The following IGF2BP2 variants were observed in gnomAD, a reference collection of about 807,000 sequenced individuals.
IGF2BP2 encodes the protein insulin like growth factor 2 mRNA binding protein 2.
A neutral mutation model predicts 75.8 loss-of-function variants in IGF2BP2; 17 were observed. The ratio of observed to expected loss-of-function variants is 0.22; its 90% CI spans 0.15 to 0.34. The LOEUF is 0.34. IGF2BP2 is among the 10% of genes least tolerant of loss of function. The pLI is 1.00. For synonymous variants in IGF2BP2, 288 were observed against 295.6 expected (o/e 0.97, Z 0.26); for missense variants, 516 against 772.4 (o/e 0.67, Z 3.93).
chr3:185,732,845 T>C (rs1728371275), intron 2 of IGF2BP2, among the ~76,000 whole-genome samples: 2 of 152,200 alleles, frequency 1.3e-5, no homozygotes, highest in South Asian at 4.1e-4. Flanking sequence ...AGTTAGATAA[T>C]CCCCTGTAGG....
In IGF2BP2 at chr3:185,731,246, C is replaced by CTTTTTTCTT. The variant is rs1553874599; in HGVS notation, c.240-32900_240-32899insAAGAAAAAA. ...GCAGGCTGTGTAGCTGCATCACTTT[C>CTTTTTTCTT]TTTTTTTTTTTTTTTTTTGAGATGG... On this transcript the variant is annotated intron_variant, in intron 2 of 15. Transcript: ENST00000382199. Among the ~76,000 whole-genome samples the CTTTTTTCTT allele has an allele frequency of 1.3e-3, 164 of 129,244 alleles. 1 individual carries two copies. Among genetic ancestry groups the CTTTTTTCTT allele is most frequent in the African/African-American group, 4.5e-3 (158 of 34,904 alleles). The allele number at this position is 129,244 out of a possible 152,430, so 84.8% of individuals were successfully genotyped here. A position where few individuals can be genotyped will look rare whatever the true frequency, so the allele number is the denominator to read the frequency against.
chr3:185,691,539 A>G (rs1458998309), intron 5 of IGF2BP2, among the ~76,000 whole-genome samples: 1 of 152,204 alleles, frequency 6.6e-6, no homozygotes, highest in Non-Finnish European at 1.5e-5. Context: ...ATAAAGCAAG[A>G]CCAAATGTGA....
rs1489468274 is a variant in IGF2BP2, at chr3:185,645,024, GGAGT to G, written c.*503_*506del. 6.6e-6 allele frequency: 1 copy of G among 152,344 alleles called. No homozygotes were observed. Among genetic ancestry groups the G allele is most frequent in the Admixed American group, 6.5e-5 (1 of 15,270 alleles). 9.4% of individuals were successfully genotyped at this position (152,344 alleles called of 1,614,324 possible). On this transcript the variant is annotated 3_prime_UTR_variant, in exon 16 of 16. Transcript: ENST00000382199. The surrounding 1 kb of genome is among the most constrained non-coding windows in gnomAD (Gnocchi z 4.9). ...AAAAATTAATAATTGATTAAAAATTGGAGTTAGTTGAGTTATTTGATATATTATT... is the reference window on the plus strand; with the variant it reads ...AAAAATTAATAATTGATTAAAAATTGTAGTTGAGTTATTTGATATATTATT...
intron 2 of IGF2BP2, among the ~76,000 whole-genome samples, chr3:185,792,231 C>T (rs1275188151): frequency 6.6e-6 from 1 of 151,990 alleles, no homozygotes; most frequent in East Asian, 1.9e-4. Flanking sequence ...AAATTATGGC[C>T]CCTCCAAAAA....
Position 185,649,389 on chromosome 3 carries a change from C to T in IGF2BP2, c.1593+14G>A, listed in dbSNP as rs374386875. On this transcript the variant is annotated intron_variant, in intron 14 of 15. Transcript: ENST00000382199. ...TCTGACCCAGGTGATGAAGCGAGCC[C>T]GGAGCACACTTACGGTCTTGCCACC... 4.5e-5 allele frequency: 72 copies of T among 1,611,946 alleles called. No homozygotes were observed. The highest frequency in any genetic ancestry group is 3.3e-4 in the South Asian group (30 of 90,948).
Position 185,811,874 on chromosome 3 carries a change from CT to C in IGF2BP2, c.239+11278del, listed in dbSNP as rs1739925310. On this transcript the variant is annotated intron_variant, in intron 2 of 15. Coordinates refer to ENST00000382199, the MANE Select transcript of IGF2BP2 (RefSeq NM_006548.6). ...TCTCTCTCTCTCTCTCTCTCTCTCTCTCTCCCCCTCTCCCTGCCTGGGCATC... is the reference window on the plus strand; with the variant it reads ...TCTCTCTCTCTCTCTCTCTCTCTCTCCTCCCCCTCTCCCTGCCTGGGCATC... Among the ~76,000 whole-genome samples, 31 of 53,186 alleles carry C rather than the reference CT, an allele frequency of 5.8e-4. No homozygotes were observed. The East Asian group carries it at 7.6e-3, about 13-fold the overall frequency. 34.9% of individuals were successfully genotyped at this position (53,186 alleles called of 152,430 possible).
At chr3:185,721,762 C>T (rs1468392336) in intron 2 of IGF2BP2, among the ~76,000 whole-genome samples, 1 of 152,092 alleles carries the variant, frequency 6.6e-6, no homozygotes, top group Non-Finnish European at 1.5e-5. Flanking sequence ...AGTCATGAAC[C>T]AGCCCACCTA....
intron 2 of IGF2BP2, among the ~76,000 whole-genome samples, chr3:185,821,823 A>AT (rs1741419446): frequency 6.6e-6 from 1 of 152,198 alleles, no homozygotes; most frequent in African/African-American, 2.4e-5. Context: ...AATAGTTAAT[A>AT]TATCAGAAAG....
chr3:185,692,901 T>A, intron 4 of IGF2BP2, 139 bp from the exon 5 acceptor site: 1 of 688,550 alleles, frequency 1.5e-6, no homozygotes, highest in Non-Finnish European at 2.6e-6. Context: ...TCTCTACGTT[T>A]ATTCATCTGA....
intron 2 of IGF2BP2, among the ~76,000 whole-genome samples, chr3:185,792,330 C>T (rs11925294): frequency 0.29 from 43,976 of 151,952 alleles, 6,683 homozygotes; most frequent in African/African-American, 0.39. Context: ...CAGGGCTGGG[C>T]GGGGTGGCTC....
intron 10 of IGF2BP2, among the ~76,000 whole-genome samples, chr3:185,671,194 C>A (rs1050217668): frequency 6.6e-6 from 1 of 152,190 alleles, no homozygotes; most frequent in African/African-American, 2.4e-5. Context: ...CAGTGTCAGT[C>A]CCCTCCTTCA....
chr3:185,734,915 C>T lies in IGF2BP2; in HGVS notation c.240-36568G>A, dbSNP rs556916299. On this transcript the variant is annotated intron_variant, in intron 2 of 15. Transcript: ENST00000382199. ...CTCAACTCCGACGTGCCTCAATCTCCCCTCTGCAGAGTGGAGATAAGAGCA... is the reference window on the plus strand; with the variant it reads ...CTCAACTCCGACGTGCCTCAATCTCTCCTCTGCAGAGTGGAGATAAGAGCA... Among the ~76,000 whole-genome samples, 5 of 152,224 alleles carry T rather than the reference C, an allele frequency of 3.3e-5. No individual in the cohort carries two copies. The South Asian group carries it at 1.0e-3, about 32-fold the overall frequency.
intron 2 of IGF2BP2, among the ~76,000 whole-genome samples, chr3:185,708,646 T>G (rs1724386167): frequency 6.6e-6 from 1 of 152,022 alleles, no homozygotes; most frequent in Non-Finnish European, 1.5e-5. Context: ...ACAAGAAATA[T>G]CTGCTTATCC....
intron 2 of IGF2BP2, among the ~76,000 whole-genome samples, chr3:185,805,463 G>A (rs1477218665): frequency 6.6e-6 from 1 of 152,134 alleles, no homozygotes; most frequent in African/African-American, 2.4e-5. Context: ...AAATTAAGGA[G>A]GAATAATCAA....
chr3:185,744,264 A>AT (rs1472781971), intron 2 of IGF2BP2, among the ~76,000 whole-genome samples: 2 of 152,216 alleles, frequency 1.3e-5, no homozygotes, highest in Non-Finnish European at 2.9e-5. Context: ...TATTCCAGTG[A>AT]TAAAAAGTAA....
intron 5 of IGF2BP2, among the ~76,000 whole-genome samples, chr3:185,690,088 A>G (rs988750238): frequency 6.6e-5 from 10 of 152,210 alleles, no homozygotes; most frequent in African/African-American, 2.4e-4. Flanking sequence ...GACAGACACC[A>G]TCTCTGCTCC....
intron 2 of IGF2BP2, among the ~76,000 whole-genome samples, chr3:185,803,342 C>CTCCA (rs1738541960): frequency 6.6e-6 from 1 of 152,182 alleles, no homozygotes; most frequent in Admixed American, 6.5e-5. Flanking sequence ...CAGAGCAAGA[C>CTCCA]TCCATCTCAA....
chr3:185,777,396 C>G (rs115500813), intron 2 of IGF2BP2, among the ~76,000 whole-genome samples: 5,437 of 152,102 alleles, frequency 0.036, 311 homozygotes, highest in African/African-American at 0.12. Flanking sequence ...CCCAGCTATT[C>G]AGGAGGATGG....
In IGF2BP2 at chr3:185,716,594, T is replaced by C. The variant is rs1388988844; in HGVS notation, c.240-18247A>G. ...CAGACTCACGTCCTCAGTAAGGAAT[T>C]TACCTCCTACTTTTCTTCGGGGGCA... On this transcript the variant is annotated intron_variant, in intron 2 of 15. Coordinates refer to ENST00000382199, the MANE Select transcript of IGF2BP2 (RefSeq NM_006548.6). 5.8e-6 allele frequency: 3 copies of C among 520,012 alleles called. No homozygotes were observed. In the Admixed American group the frequency reaches 5.8e-5, roughly 10 times the overall value. 32.2% of individuals were successfully genotyped at this position (520,012 alleles called of 1,614,324 possible).
Sources: gnomAD v4.1 joint callset for allele counts (sites outside exome capture counted in the v4.1 genomes callset) on GRCh38, gnomAD v4.1.1 for gene constraint, Gnocchi (gnomAD v3.1) non-coding constraint, MANE v1.5 for transcripts, NCBI Gene and HGNC (gene_info 2026-07-23, HGNC 2026-07-21) for gene names.